Variants in IMMP2L observed in about 807,000 individuals in gnomAD.
The protein encoded by IMMP2L is mitochondrial inner membrane protease subunit 2.
IMMP2L carries 18 observed loss-of-function variants against 19.3 expected under a neutral mutation model. The observed-to-expected ratio is 0.93, with a 90% CI of 0.64 to 1.38. IMMP2L has a LOEUF of 1.38. Among genes scored for constraint, IMMP2L ranks in the 40% most tolerant of loss-of-function variants. The pLI, the probability that IMMP2L is intolerant of heterozygous loss-of-function variation, is 0.00. For missense variants in IMMP2L, 233 were observed against 218.2 expected, an observed-to-expected ratio of 1.07 and a Z score of -0.43; for synonymous variants, 76 against 73.0, an observed-to-expected ratio of 1.04 and a Z score of -0.21.
chr7:110,692,623 A>G (rs1424829285), intron 5 of IMMP2L, among the ~76,000 whole-genome samples: 2 of 152,194 alleles, frequency 1.3e-5, no homozygotes, highest in Admixed American at 6.6e-5. Context: ...ACTAAAGAAA[A>G]TAAGTTTCAA....
chr7:111,560,200 GCCTTTTATA>G (rs775200771), intron 1 of IMMP2L, among the ~76,000 whole-genome samples: 2 of 151,992 alleles, frequency 1.3e-5, no homozygotes, highest in Non-Finnish European at 2.9e-5. Context: ...CTCACTTATT[GCCTTTTATA>G]CCCTCCCAGA....
chr7:110,842,963 T>C (rs1176201041), intron 5 of IMMP2L, among the ~76,000 whole-genome samples: 5 of 152,144 alleles, frequency 3.3e-5, no homozygotes, highest in African/African-American at 9.7e-5. Flanking sequence ...CTTAATTAGA[T>C]TTAAAACCAC....
At chr7:111,000,670 G>C (rs1396334901) in intron 3 of IMMP2L, among the ~76,000 whole-genome samples, 4 of 151,958 alleles carry the variant, frequency 2.6e-5, no homozygotes, top group Non-Finnish European at 5.9e-5. Context: ...ATGGTGAAAA[G>C]TCATCTCTAT....
chr7:111,140,035 G>A (rs766732380), intron 3 of IMMP2L, among the ~76,000 whole-genome samples: 11 of 152,010 alleles, frequency 7.2e-5, no homozygotes, highest in Non-Finnish European at 1.3e-4. Context: ...CAATGAACAG[G>A]ACTGAAAATA....
intron 3 of IMMP2L, among the ~76,000 whole-genome samples, chr7:111,359,872 G>A (rs2130978108): frequency 6.6e-6 from 1 of 152,198 alleles, no homozygotes; most frequent in South Asian, 2.1e-4. Flanking sequence ...GGGAAAGATG[G>A]TGAAAGATAA....
intron 3 of IMMP2L, among the ~76,000 whole-genome samples, chr7:111,186,374 T>C (rs1808263422): frequency 1.3e-5 from 2 of 152,270 alleles, no homozygotes; most frequent in South Asian, 4.1e-4. Flanking sequence ...CTGCCTAATA[T>C]ATGCCTATCA....
chr7:111,362,216 A>T (rs1829325375), intron 3 of IMMP2L, among the ~76,000 whole-genome samples: 1 of 152,086 alleles, frequency 6.6e-6, no homozygotes, highest in Admixed American at 6.6e-5. Context: ...ATCTCCCCAT[A>T]GGATTTTACC....
In IMMP2L at chr7:111,071,182, C is replaced by T. The variant is rs564302171; in HGVS notation, c.240-107617G>A. ...AAACTATCAGATGTTACTTCACACA[C>T]ACTAAAATTATAAGAATTTTTAAAT... On this transcript the variant is annotated intron_variant, in intron 3 of 5. Coordinates refer to ENST00000405709, the MANE Select transcript of IMMP2L (RefSeq NM_032549.4). Among the ~76,000 whole-genome samples the T allele has an allele frequency of 1.1e-4, 17 of 152,132 alleles. No homozygotes were observed. In the East Asian group the frequency reaches 3.1e-3, roughly 28 times the overall value.
chr7:111,270,249 T>C (rs1455838624), intron 3 of IMMP2L, among the ~76,000 whole-genome samples: 5 of 152,168 alleles, frequency 3.3e-5, no homozygotes, highest in Non-Finnish European at 7.4e-5. Flanking sequence ...CAAGTGAATG[T>C]ACTGTAGCAC....
chr7:111,253,962 G>C (rs1019708171), intron 3 of IMMP2L, among the ~76,000 whole-genome samples: 4 of 152,074 alleles, frequency 2.6e-5, no homozygotes, highest in African/African-American at 4.8e-5. Context: ...CTATATAAAT[G>C]TGCTTTTTCA....
intron 3 of IMMP2L, among the ~76,000 whole-genome samples, chr7:111,466,535 T>G (rs546722416): frequency 1.3e-5 from 2 of 152,290 alleles, no homozygotes; most frequent in African/African-American, 4.8e-5. Flanking sequence ...TTACGATAAC[T>G]ATAATGAACA....
intron 4 of IMMP2L, among the ~76,000 whole-genome samples, chr7:110,961,614 C>T (rs1312451896): frequency 2.0e-5 from 3 of 151,532 alleles, no homozygotes; most frequent in Non-Finnish European, 4.4e-5. Context: ...AGTATTTATA[C>T]CAATACCTGT....
intron 3 of IMMP2L, among the ~76,000 whole-genome samples, chr7:111,343,521 C>T (rs1307016296): frequency 1.3e-5 from 2 of 152,002 alleles, no homozygotes; most frequent in African/African-American, 2.4e-5. Context: ...TGGCTCCCGG[C>T]GCACCCAGTG....
At chr7:111,446,387 G>T (rs1261070877) in intron 3 of IMMP2L, among the ~76,000 whole-genome samples, 2 of 146,974 alleles carry the variant, frequency 1.4e-5, no homozygotes, top group African/African-American at 2.7e-5. Flanking sequence ...CTCCTCAAGT[G>T]GGTCCCTGAC....
At chr7:110,778,215 C>A (rs912106318) in intron 5 of IMMP2L, among the ~76,000 whole-genome samples, 5 of 151,798 alleles carry the variant, frequency 3.3e-5, no homozygotes, top group Admixed American at 6.6e-5. Context: ...TTTAATACTT[C>A]TATCTAATAA....
At chr7:110,816,117 T>C (rs1802487933) in intron 5 of IMMP2L, among the ~76,000 whole-genome samples, 1 of 152,080 alleles carries the variant, frequency 6.6e-6, no homozygotes, top group African/African-American at 2.4e-5. Flanking sequence ...CTATAAATTT[T>C]CCTCTACACA....
chr7:111,123,170 A>G lies in IMMP2L; in HGVS notation c.240-159605T>C. ...GAAAACAAACTTACTGAACTGCCTG[A>G]AAAATGTCTGTCCGAACTGAGCAAC... On this transcript the variant is annotated intron_variant, in intron 3 of 5. Coordinates refer to ENST00000405709, the MANE Select transcript of IMMP2L (RefSeq NM_032549.4). This position sits in a 1 kb window ranked among gnomAD's most constrained non-coding sequence, Gnocchi z 6.4. 3 of 1,614,028 alleles carry G rather than the reference A, an allele frequency of 1.9e-6. No individual in the cohort carries two copies. The highest frequency in any genetic ancestry group is 2.5e-6 in the Non-Finnish European group (3 of 1,179,974).
In IMMP2L at chr7:110,810,647, A is replaced by G. The variant is rs568381971; in HGVS notation, c.408+75946T>C. ...TAACTCCCACATGCTTAGAGTTCCG[A>G]TAATGGAACACTAGGCATAAATGGG... On this transcript the variant is annotated intron_variant, in intron 5 of 5. Coordinates refer to ENST00000405709, the MANE Select transcript of IMMP2L (RefSeq NM_032549.4). Among the ~76,000 whole-genome samples, 3 of 152,146 alleles carry G rather than the reference A, an allele frequency of 2.0e-5. No individual in the cohort carries two copies. The South Asian group carries it at 6.2e-4, about 32-fold the overall frequency.
intron 2 of IMMP2L, among the ~76,000 whole-genome samples, chr7:111,510,449 T>C (rs1845338013): frequency 6.6e-6 from 1 of 152,130 alleles, no homozygotes; most frequent in South Asian, 2.1e-4. Flanking sequence ...CTGTATATTA[T>C]GATGTTTTGA....
Sources: allele counts gnomAD v4.1 joint callset (sites outside exome capture counted in the v4.1 genomes callset), GRCh38; gene constraint gnomAD v4.1.1; non-coding constraint Gnocchi (gnomAD v3.1); transcripts MANE v1.5; gene names NCBI Gene and HGNC (gene_info 2026-07-23, HGNC 2026-07-21).